Variants in VPS13D observed in about 807,000 individuals in gnomAD.
The protein encoded by VPS13D is intermembrane lipid transfer protein VPS13D.
VPS13D carries 187 observed loss-of-function variants against 461.9 expected under a neutral mutation model. The ratio of observed to expected loss-of-function variants is 0.40; its 90% CI spans 0.36 to 0.46. VPS13D has a LOEUF of 0.46. Among genes scored for constraint, VPS13D ranks in the 20% least tolerant of loss-of-function variants. VPS13D has a pLI of 0.60. For missense variants in VPS13D, 4,711 were observed against 5,364.9 expected (o/e 0.88, Z 3.81); for synonymous variants, 1,951 against 1,986.3 (o/e 0.98, Z 0.47).
intron 61 of VPS13D, among the ~76,000 whole-genome samples, chr1:12,401,213 G>A (rs2101683113): frequency 6.6e-6 from 1 of 152,212 alleles, no homozygotes; most frequent in East Asian, 1.9e-4. Flanking sequence ...CCATATTTCT[G>A]GTCCTTTATC....
intron 37 of VPS13D, among the ~76,000 whole-genome samples, chr1:12,331,699 G>A (rs1189535678): frequency 2.2e-5 from 3 of 138,210 alleles, no homozygotes; most frequent in Non-Finnish European, 3.1e-5. Flanking sequence ...GCGACAGAGC[G>A]AGACTCTGTC....
At chr1:12,376,545 G>A (rs115733349) in intron 55 of VPS13D, among the ~76,000 whole-genome samples, 18 of 152,280 alleles carry the variant, frequency 1.2e-4, no homozygotes, top group East Asian at 1.9e-4. Flanking sequence ...AATTTTTCTC[G>A]TTGACAGATC....
In VPS13D at chr1:12,318,341, A is replaced by C; in HGVS notation, c.7414+4A>C. ...GAGGTCAAGGTCAATGTAACAGGTG[A>C]TTATATGTGGGTGTGATTCATTGGT... On this transcript the variant is annotated splice_donor_region_variant and intron_variant, in intron 31 of 69. Transcript: ENST00000620676. 1 of 1,604,258 alleles carries C rather than the reference A, an allele frequency of 6.2e-7. No individual in the cohort carries two copies. The highest frequency in any genetic ancestry group is 1.1e-5 in the South Asian group (1 of 90,854).
In VPS13D at chr1:12,290,966, A is replaced by T. The variant is rs191439334; in HGVS notation, c.5726-32A>T. On this transcript the variant is annotated intron_variant, in intron 22 of 69. Coordinates refer to ENST00000620676, the MANE Select transcript of VPS13D (RefSeq NM_015378.4). The stretch of plus-strand genomic sequence containing the variant: ...TAAGTTGTGTGACAAAAAAGGATAC[A>T]TAGTAATGTGTTCTAACTTTATCAT... 3,964 of 1,575,894 alleles carry T rather than the reference A, an allele frequency of 2.5e-3. 9 individuals carry two copies. The highest frequency in any genetic ancestry group is 3.2e-3 in the Non-Finnish European group (3,714 of 1,162,974).
intron 18 of VPS13D, among the ~76,000 whole-genome samples, chr1:12,273,776 C>A (rs558940708): frequency 4.6e-5 from 7 of 152,176 alleles, no homozygotes; most frequent in Admixed American, 1.3e-4. Flanking sequence ...GTGGCTGTTC[C>A]GCGTTTTGTT....
intron 65 of VPS13D, among the ~76,000 whole-genome samples, chr1:12,423,716 C>T (rs562445621): frequency 2.0e-5 from 3 of 152,314 alleles, no homozygotes; most frequent in East Asian, 1.9e-4. Flanking sequence ...TTTCCTGTCC[C>T]TGCACAGAGA....
intron 52 of VPS13D, among the ~76,000 whole-genome samples, chr1:12,365,611 G>A (rs1644023691): frequency 6.6e-6 from 1 of 151,918 alleles, no homozygotes; most frequent in South Asian, 2.1e-4. Context: ...GGCTGAGGCA[G>A]GAGAATCACT....
At position 12,293,508 on chromosome 1, in the gene VPS13D, T is replaced by C. The variant is rs1398727317; in HGVS notation, c.5853-16T>C. On this transcript the variant is annotated splice_polypyrimidine_tract_variant and intron_variant, in intron 23 of 69. Transcript: ENST00000620676. ...TCTTGCTGTTATCTGAGTCACACTT[T>C]TATCCTAATTTTTAGATACGGACGG... The C allele has an allele frequency of 6.3e-7, 1 of 1,583,266 alleles. No homozygotes were observed. The highest frequency in any genetic ancestry group is 8.6e-7 in the Non-Finnish European group (1 of 1,161,736).
In VPS13D at chr1:12,353,660, C is replaced by G. The variant is rs187142096; in HGVS notation, c.9432-314C>G. 1.1e-4 allele frequency among the ~76,000 whole-genome samples: 17 copies of G among 151,834 alleles called. No homozygotes were observed. The East Asian group carries it at 3.3e-3, about 29-fold the overall frequency. ...GTGATAAATGTTAGAAAGGGGTTGC[C>G]TGAATGATGGAGGAGAATATCGATT... On this transcript the variant is annotated intron_variant, in intron 46 of 69. Transcript: ENST00000620676.
chr1:12,244,696 C>T lies in VPS13D; in HGVS notation c.447+79C>T, dbSNP rs541953562. The T allele has an allele frequency of 9.6e-5, 133 of 1,383,726 alleles. 4 individuals carry two copies. The South Asian group carries it at 1.5e-3, about 16-fold the overall frequency. The allele number at this position is 1,383,726 out of a possible 1,614,324, so 85.7% of individuals were successfully genotyped here. ...TTAAACGTGTTTCTCCTCTTAGTTT[C>T]TCATTTCTCGTGGGCTCAGCTGATC... On this transcript the variant is annotated intron_variant, in intron 5 of 69. Transcript: ENST00000620676.
Position 12,336,323 on chromosome 1 carries a change from T to G in VPS13D, c.8551+496T>G, listed in dbSNP as rs550910231. The stretch of plus-strand genomic sequence containing the variant: ...GGAGCCCTGTGCTGTTCATAGAGTA[T>G]AAAAGAATTGAATGCCCTGCCTCTT... On this transcript the variant is annotated intron_variant, in intron 39 of 69. Transcript: ENST00000620676. 2.0e-5 allele frequency: 3 copies of G among 153,788 alleles called. 1 individual carries two copies. The highest frequency in any genetic ancestry group is 6.5e-5 in the Admixed American group (1 of 15,470). The allele number at this position is 153,788 out of a possible 1,614,324, so 9.5% of individuals were successfully genotyped here.
At chr1:12,359,711 C>T (rs1390705636) in intron 50 of VPS13D, among the ~76,000 whole-genome samples, 1 of 152,124 alleles carries the variant, frequency 6.6e-6, no homozygotes, top group Admixed American at 6.5e-5. Flanking sequence ...ATAGTTTCCT[C>T]TTTGGATTTT....
At chr1:12,360,069 G>T (rs992761131) in intron 50 of VPS13D, among the ~76,000 whole-genome samples, 3 of 152,182 alleles carry the variant, frequency 2.0e-5, no homozygotes, top group African/African-American at 7.2e-5. Context: ...TGAGCAAACC[G>T]ATCAGACATA....
chr1:12,239,641 A>G (rs1332870400), intron 2 of VPS13D, among the ~76,000 whole-genome samples: 1 of 152,216 alleles, frequency 6.6e-6, no homozygotes, highest in Non-Finnish European at 1.5e-5. Flanking sequence ...AACCCAAAAC[A>G]TCCATTTCCC....
chr1:12,324,520 T>C (rs181373797), intron 35 of VPS13D, among the ~76,000 whole-genome samples: 1 of 152,206 alleles, frequency 6.6e-6, no homozygotes, highest in African/African-American at 2.4e-5. Context: ...AAAGGGGCTC[T>C]GGAGCTGGCT....
chr1:12,379,613 C>G lies in VPS13D; in HGVS notation c.11190+17C>G, dbSNP rs1366013226. 1 of 1,590,786 alleles carries G rather than the reference C, an allele frequency of 6.3e-7. No individual in the cohort carries two copies. The highest frequency in any genetic ancestry group is 1.7e-5 in the Admixed American group (1 of 59,214). On this transcript the variant is annotated intron_variant, in intron 57 of 69. Transcript: ENST00000620676. ...GTCGTCCAGGTCAGTCGTTTTTGAT[C>G]CCCAATTGCAGCAAGCAGTGGTTGA... is the stretch of plus-strand genomic sequence containing the variant.
At chr1:12,382,626 C>G (rs140469215) in intron 57 of VPS13D, among the ~76,000 whole-genome samples, 2 of 152,212 alleles carry the variant, frequency 1.3e-5, no homozygotes, top group East Asian at 3.9e-4. Flanking sequence ...TAAGCAAACC[C>G]TAGTAAGAAT....
At chr1:12,281,291 G>A (rs949740531) in intron 20 of VPS13D, among the ~76,000 whole-genome samples, 13 of 152,100 alleles carry the variant, frequency 8.5e-5, no homozygotes, top group African/African-American at 2.9e-4. Flanking sequence ...TTTTGGGTTT[G>A]TTGGAATCAG....
rs145358552 is a variant in VPS13D at position 12,329,883 on chromosome 1, C to G, written c.8252C>G (p.Thr2751Ser). The G allele has an allele frequency of 3.2e-5, 51 of 1,614,050 alleles. No homozygotes were observed. Among genetic ancestry groups the G allele is most frequent in the Non-Finnish European group, 4.2e-5 (49 of 1,179,988 alleles). ...AGCCCTGAAGGCTATGCCCACTTCA[C>G]CCTTTCTGGAGATTATTATAACCGT... ...RTSPEGYAHF[T>S]LSGDYYNRAL... The change falls in exon 37 of 70, where the codon ACC becomes AGC. Residue 2751 changes from threonine to serine, a missense_variant. This residue lies in a region of VPS13D where 4,411 missense variants were observed against 4,937.8 expected (regional missense o/e 0.89). Coordinates refer to ENST00000620676, the MANE Select transcript of VPS13D (RefSeq NM_015378.4).
Sources: allele counts gnomAD v4.1 joint callset (sites outside exome capture counted in the v4.1 genomes callset), GRCh38; gene constraint gnomAD v4.1.1; regional missense constraint gnomAD v4.1.1; transcripts MANE v1.5; gene names NCBI Gene and HGNC (gene_info 2026-07-23, HGNC 2026-07-21).